Variants in MOGAT2 observed in about 807,000 individuals in gnomAD.
MOGAT2 encodes the protein 2-acylglycerol O-acyltransferase 2.
Under a neutral mutation model 31.5 loss-of-function variants are expected in MOGAT2, and 27 were observed. The ratio of observed to expected loss-of-function variants is 0.86; its 90% CI spans 0.63 to 1.18. MOGAT2 has a LOEUF of 1.18. Among genes scored for constraint, MOGAT2 ranks in the 50% most tolerant of loss-of-function variants. MOGAT2 has a pLI of 0.00. For missense variants in MOGAT2, 436 were observed against 433.2 expected (o/e 1.01, Z -0.06); for synonymous variants, 163 against 170.0 (o/e 0.96, Z 0.32).
intron 2 of MOGAT2, among the ~76,000 whole-genome samples, chr11:75,725,716 A>C (rs560338673): frequency 6.6e-6 from 1 of 152,182 alleles, no homozygotes; most frequent in South Asian, 2.1e-4. Context: ...CTGCTCCCCA[A>C]CAAGAACCCT....
intron 5 of MOGAT2, among the ~76,000 whole-genome samples, chr11:75,729,891 C>T (rs1428169473): frequency 2.0e-5 from 3 of 151,642 alleles, no homozygotes; most frequent in South Asian, 2.1e-4. Flanking sequence ...ATTACAGGTG[C>T]GTGCCACCAC....
In MOGAT2 at chr11:75,731,121, A is replaced by G. The variant is rs1194392292; in HGVS notation, c.851-11A>G. On this transcript the variant is annotated splice_polypyrimidine_tract_variant and intron_variant, in intron 5 of 5. Transcript: ENST00000198801. ...CTACCCTAGGCCACTGCACACCTCT[A>G]TGCCTTGCAGTGGGGAAGCCCATCG... 7 of 1,613,012 alleles carry G rather than the reference A, an allele frequency of 4.3e-6. No homozygotes were observed. The highest frequency in any genetic ancestry group is 3.3e-5 in the Admixed American group (2 of 59,958).
intron 3 of MOGAT2, 29 bp downstream of exon 3, chr11:75,727,668 G>A: frequency 6.3e-7 from 1 of 1,591,296 alleles, no homozygotes; most frequent in Non-Finnish European, 8.6e-7. Context: ...GAGCAGCTCA[G>A]GAAGGTAACA....
chr11:75,724,284 T>C (rs1485072325), intron 2 of MOGAT2, among the ~76,000 whole-genome samples: 1 of 152,230 alleles, frequency 6.6e-6, no homozygotes, highest in East Asian at 1.9e-4. Context: ...GTTCCAGGCC[T>C]GCACTGGGGA....
chr11:75,729,468 T>A (rs1944454201), intron 5 of MOGAT2, among the ~76,000 whole-genome samples: 1 of 152,050 alleles, frequency 6.6e-6, no homozygotes, highest in Admixed American at 6.6e-5. Context: ...AGAGATGGGG[T>A]TTCACCATGT....
chr11:75,727,984 G>C lies in MOGAT2; in HGVS notation c.490G>C (p.Glu164Gln). 6.2e-7 allele frequency: 1 copy of C among 1,610,808 alleles called. No homozygotes were observed. The highest frequency in any genetic ancestry group is 8.5e-7 in the Non-Finnish European group (1 of 1,178,060). ...YIMSAGLVTS[E>Q]KESAAHILNR... ...TCTTTCCCTAGGGTTGGTCACATCA[G>C]AAAAGGAGAGTGCTGCTCACATTCT... Residue 164 changes from glutamate to glutamine, a missense_variant, in exon 4 of 6, where the codon GAA (glutamate) becomes CAA (glutamine). Coordinates refer to ENST00000198801, the MANE Select transcript of MOGAT2 (RefSeq NM_025098.4).
At chr11:75,723,151 G>A (rs915309067) in intron 2 of MOGAT2, among the ~76,000 whole-genome samples, 9 of 151,894 alleles carry the variant, frequency 5.9e-5, no homozygotes, top group Non-Finnish European at 8.8e-5. Context: ...TAGTAGAGAC[G>A]GGATTTCACC....
intron 1 of MOGAT2, 101 bp from the exon 2 acceptor site, chr11:75,719,891 G>T: frequency 8.4e-7 from 1 of 1,189,862 alleles, no homozygotes; most frequent in Non-Finnish European, 1.2e-6. Context: ...GGACAGGACA[G>T]TGCTGCTAGT....
intron 2 of MOGAT2, among the ~76,000 whole-genome samples, chr11:75,725,776 C>T (rs747650186): frequency 2.6e-5 from 4 of 152,152 alleles, no homozygotes; most frequent in Non-Finnish European, 4.4e-5. Flanking sequence ...TTTACACTGG[C>T]AAAGCTGTGC....
In MOGAT2 at chr11:75,728,903, G is replaced by T. The variant is rs1468468238; in HGVS notation, c.764G>T (p.Gly255Val). The stretch of plus-strand genomic sequence containing the variant: ...CAGAATCGGTTGCAGAAGATCATGG[G>T]CATCTCCCTCCCACTCTTTCATGGC... ...YIQNRLQKIM[G>V]ISLPLFHGRG... Residue 255 changes from glycine (G) to valine (V), a missense_variant, in exon 5 of 6, where the codon GGC (glycine) becomes GTC (valine). Gly to Val is a moderately radical substitution (Grantham distance 109). Coordinates refer to ENST00000198801, the MANE Select transcript of MOGAT2 (RefSeq NM_025098.4). The T allele has an allele frequency of 1.9e-6, 3 of 1,614,026 alleles. No homozygotes were observed. The highest frequency in any genetic ancestry group is 2.5e-6 in the Non-Finnish European group (3 of 1,180,036).
At chr11:75,726,455 G>A (rs911424459) in intron 2 of MOGAT2, among the ~76,000 whole-genome samples, 10 of 152,030 alleles carry the variant, frequency 6.6e-5, no homozygotes, top group Non-Finnish European at 1.0e-4. Flanking sequence ...CACGTCCCTC[G>A]TATAAAATGA....
chr11:75,728,743 C>T (rs1944444922), intron 4 of MOGAT2, 47 bp from the exon 5 acceptor site: 1 of 1,558,632 alleles, frequency 6.4e-7, no homozygotes, highest in Non-Finnish European at 8.8e-7. Context: ...CAGCTCGTGC[C>T]TTCTCTGGGG....
At chr11:75,719,924 A>T in intron 1 of MOGAT2, 68 bp from the exon 2 acceptor site, 1 of 1,513,612 alleles carries the variant, frequency 6.6e-7, no homozygotes. Flanking sequence ...GGCAGAGTTC[A>T]GTCTGAGCAA....
rs567923862 is a variant in MOGAT2 at position 75,721,888 on chromosome 11, C to T, written c.270+1718C>T. Among the ~76,000 whole-genome samples, 18 of 152,328 alleles carry T rather than the reference C, an allele frequency of 1.2e-4. No individual in the cohort carries two copies. In the South Asian group the frequency reaches 3.5e-3, roughly 30 times the overall value. ...GTGGTTGGGGTTCCTGCCTTGCTCC[C>T]TTCTGAGAGTCCAGGGGCCCAAGAA... On this transcript the variant is annotated intron_variant, in intron 2 of 5. Transcript: ENST00000198801.
At chr11:75,721,654 G>A (rs1404391288) in intron 2 of MOGAT2, among the ~76,000 whole-genome samples, 1 of 152,152 alleles carries the variant, frequency 6.6e-6, no homozygotes, top group African/African-American at 2.4e-5. Context: ...CTGAGGAAGT[G>A]TGGTCGTGAC....
In MOGAT2 at chr11:75,727,450, G is replaced by C; in HGVS notation, c.286G>C (p.Glu96Gln). The change falls in exon 3 of 6, where the codon GAG becomes CAG. Residue 96 changes from glutamate to glutamine, a missense_variant. By Grantham distance (29) the Glu-to-Gln change is conservative. Transcript: ENST00000198801. The part of the protein sequence containing the change: ...YFPISLVKTA[E>Q]LDPSRNYIAG... The stretch of plus-strand genomic sequence containing the variant: ...GTCCCTGCAGCTGGTCAAGACTGCT[G>C]AGCTGGACCCCTCTCGGAACTACAT... 1 of 1,614,008 alleles carries C rather than the reference G, an allele frequency of 6.2e-7. No individual in the cohort carries two copies.
At chr11:75,731,021 G>A (rs1205667220) in intron 5 of MOGAT2, 111 bp from the exon 6 acceptor site, 14 of 809,958 alleles carry the variant, frequency 1.7e-5, no homozygotes, top group Non-Finnish European at 2.6e-5. Flanking sequence ...CATTAGGGTT[G>A]GAAGGAATGG....
intron 5 of MOGAT2, chr11:75,730,871 C>T (rs1223871553): frequency 1.2e-5 from 3 of 246,026 alleles, no homozygotes; most frequent in Non-Finnish European, 2.3e-5. Context: ...GCTGAGATTG[C>T]GCCACTGCAC....
In MOGAT2 at chr11:75,727,555, A is replaced by G. The variant is rs1372625833; in HGVS notation, c.391A>G (p.Ile131Val). The stretch of plus-strand genomic sequence containing the variant: ...CACTGAGAGCACAGGCTTCTCTTCG[A>G]TCTTCCCCGGTATCCGCCCCCATCT... ...LCTESTGFSS[I>V]FPGIRPHLMM... Residue 131 changes from isoleucine to valine, a missense_variant, in exon 3 of 6, where the codon ATC (isoleucine) becomes GTC (valine). Transcript: ENST00000198801. 6.2e-7 allele frequency: 1 copy of G among 1,613,946 alleles called. No individual in the cohort carries two copies. Among genetic ancestry groups the G allele is most frequent in the Non-Finnish European group, 8.5e-7 (1 of 1,180,016 alleles).
Sources: gnomAD v4.1 joint callset for allele counts (sites outside exome capture counted in the v4.1 genomes callset) on GRCh38, gnomAD v4.1.1 for gene constraint, MANE v1.5 for transcripts, NCBI Gene and HGNC (gene_info 2026-07-23, HGNC 2026-07-21) for gene names.